The following GPC6 variants were observed in gnomAD, a reference collection of about 807,000 sequenced individuals.
The protein encoded by GPC6 is glypican 6.
Under a neutral mutation model 55.2 loss-of-function variants are expected in GPC6, and 14 were observed. The observed-to-expected ratio is 0.25, with a 90% confidence interval of 0.17 to 0.40. The LOEUF (loss-of-function observed/expected upper bound fraction) is 0.40. Among genes scored for constraint, GPC6 ranks in the 10% least tolerant of loss-of-function variants. The pLI is 1.00. For synonymous variants in GPC6, 278 were observed against 259.6 expected (o/e 1.07, Z -0.68); for missense variants, 641 against 708.5 (o/e 0.90, Z 1.08).
rs567985033 is a variant in GPC6 at position 93,287,211 on chromosome 13, A to G, written c.160+59595A>G. Among the ~76,000 whole-genome samples the G allele has an allele frequency of 4.6e-5, 7 of 152,326 alleles. No individual in the cohort carries two copies. In the South Asian group the frequency reaches 1.5e-3, roughly 32 times the overall value. On this transcript the variant is annotated intron_variant, in intron 1 of 8. Coordinates refer to ENST00000377047, the MANE Select transcript of GPC6 (RefSeq NM_005708.5). ...AAGCATTTCAGATAAGGGGTGTTCA[A>G]TCTGCATAAGATAAAAGAGCCTACT...
intron 1 of GPC6, among the ~76,000 whole-genome samples, chr13:93,410,243 A>AT (rs1302649235): frequency 2.6e-5 from 4 of 152,262 alleles, no homozygotes; most frequent in African/African-American, 7.2e-5. Context: ...CATAGGTTGC[A>AT]TTTTTTCCAA....
intron 2 of GPC6, among the ~76,000 whole-genome samples, chr13:93,606,297 G>A (rs1878234385): frequency 6.6e-6 from 1 of 152,140 alleles, no homozygotes; most frequent in Non-Finnish European, 1.5e-5. Context: ...TGGGTTAATG[G>A]AAAGAAGACA....
chr13:94,048,858 C>G (rs2138750098), intron 4 of GPC6, among the ~76,000 whole-genome samples: 1 of 152,162 alleles, frequency 6.6e-6, no homozygotes, highest in South Asian at 2.1e-4. Flanking sequence ...GGTACAGCTT[C>G]TTGTTCAGTG....
intron 5 of GPC6, among the ~76,000 whole-genome samples, chr13:94,287,894 G>T (rs1892574366): frequency 6.6e-6 from 1 of 152,180 alleles, no homozygotes; most frequent in South Asian, 2.1e-4. Context: ...GGAACACATG[G>T]ACAAAATTAT....
intron 2 of GPC6, among the ~76,000 whole-genome samples, chr13:93,797,730 G>A (rs1594466028): frequency 6.6e-6 from 1 of 152,232 alleles, no homozygotes; most frequent in East Asian, 1.9e-4. Context: ...AATATAATAG[G>A]CCAGACAGAC....
At chr13:94,070,316 C>T (rs1884683733) in intron 4 of GPC6, among the ~76,000 whole-genome samples, 1 of 152,150 alleles carries the variant, frequency 6.6e-6, no homozygotes, top group Non-Finnish European at 1.5e-5. Flanking sequence ...CCTCCTGTGA[C>T]ATGTAGGAAT....
At chr13:93,864,795 T>C (rs74111006) in intron 3 of GPC6, among the ~76,000 whole-genome samples, 5,581 of 151,772 alleles carry the variant, frequency 0.037, 285 homozygotes, top group East Asian at 0.17. Context: ...TTGGCCTCTA[T>C]GGGCTGACCC....
chr13:94,341,945 G>A (rs9524448), intron 6 of GPC6, among the ~76,000 whole-genome samples: 12,938 of 152,244 alleles, frequency 0.085, 616 homozygotes, highest in African/African-American at 0.11. Context: ...TTAGTAATAA[G>A]ACACTGATAA....
intron 2 of GPC6, among the ~76,000 whole-genome samples, chr13:93,613,529 A>C (rs202243130): frequency 4.2e-3 from 543 of 128,534 alleles, no homozygotes; most frequent in African/African-American, 6.4e-3. Flanking sequence ...CACACACACA[A>C]AACACACACA....
chr13:93,557,954 C>A (rs371720376), intron 2 of GPC6, among the ~76,000 whole-genome samples: 79 of 152,078 alleles, frequency 5.2e-4, no homozygotes, highest in African/African-American at 1.8e-3. Context: ...AGTCTACAGT[C>A]TTTTCTTCAT....
intron 2 of GPC6, among the ~76,000 whole-genome samples, chr13:93,567,262 G>C (rs146007176): frequency 5.3e-5 from 8 of 152,266 alleles, no homozygotes; most frequent in African/African-American, 1.2e-4. Flanking sequence ...CAATGAAGAT[G>C]GAGTGACTAC....
chr13:93,296,569 C>T (rs1371474584), intron 1 of GPC6, among the ~76,000 whole-genome samples: 4 of 152,018 alleles, frequency 2.6e-5, no homozygotes, highest in Admixed American at 1.3e-4. Flanking sequence ...CTTCCATATC[C>T]GTACCTCTCT....
rs559603668 is a variant in GPC6, at chr13:94,035,792, ATG to A, written c.877+7909_877+7910del. Among the ~76,000 whole-genome samples the A allele has an allele frequency of 3.3e-5, 5 of 151,908 alleles. No individual in the cohort carries two copies. In the East Asian group the frequency reaches 7.7e-4, roughly 23 times the overall value. The stretch of plus-strand genomic sequence containing the variant: ...TTCTGACATAGTATTTACTTTGAAT[ATG>A]TGTGTGTGTGGATATATATATATTT... On this transcript the variant is annotated intron_variant, in intron 4 of 8. Coordinates refer to ENST00000377047, the MANE Select transcript of GPC6 (RefSeq NM_005708.5).
intron 2 of GPC6, among the ~76,000 whole-genome samples, chr13:93,546,691 A>G (rs2139435657): frequency 6.6e-6 from 1 of 152,344 alleles, no homozygotes; most frequent in African/African-American, 2.4e-5. Context: ...ATAGGTTACA[A>G]ATCCAGTGAC....
chr13:93,405,522 T>A (rs1381597851), intron 1 of GPC6, among the ~76,000 whole-genome samples: 2 of 152,210 alleles, frequency 1.3e-5, no homozygotes, highest in Admixed American at 1.3e-4. Flanking sequence ...TAGTTTCTAA[T>A]GTAATGCTTT....
At chr13:94,028,155 T>C (rs1027695629) in intron 4 of GPC6, among the ~76,000 whole-genome samples, 1 of 152,066 alleles carries the variant, frequency 6.6e-6, no homozygotes, top group Middle Eastern at 3.4e-3. Flanking sequence ...GTCCCAGCTG[T>C]TTAGGAGACC....
intron 2 of GPC6, among the ~76,000 whole-genome samples, chr13:93,635,290 AAG>A (rs1879645636): frequency 6.6e-6 from 1 of 152,118 alleles, no homozygotes; most frequent in African/African-American, 2.4e-5. Context: ...TCAGAAATTG[AAG>A]ACCTTTTGTA....
the GPC6 span, among the ~76,000 whole-genome samples, chr13:93,219,130 G>A: frequency 7.1e-6 from 1 of 141,104 alleles, no homozygotes; most frequent in African/African-American, 2.7e-5. Flanking sequence ...GTCTCACTCT[G>A]TCACCCAGGC....
chr13:93,928,625 G>A (rs574352333), intron 3 of GPC6, among the ~76,000 whole-genome samples: 1 of 152,104 alleles, frequency 6.6e-6, no homozygotes, highest in South Asian at 2.1e-4. Flanking sequence ...AACTAGAGTG[G>A]CCCAAAACAG....
Sources: gnomAD v4.1 joint callset for allele counts (sites outside exome capture counted in the v4.1 genomes callset) on GRCh38, gnomAD v4.1.1 for gene constraint, MANE v1.5 for transcripts, NCBI Gene and HGNC (gene_info 2026-07-23, HGNC 2026-07-21) for gene names.